The following TRPM1 variants were observed in gnomAD, a reference collection of about 807,000 sequenced individuals.
TRPM1 encodes TRPM1-203 APA Isoform, Intron 10.
A neutral mutation model predicts 149.4 loss-of-function variants in TRPM1; 113 were observed. The ratio of observed to expected loss-of-function variants is 0.76; its 90% confidence interval spans 0.65 to 0.88. TRPM1 has a LOEUF of 0.88. TRPM1 is among the 40% of genes least tolerant of loss of function. The probability of loss-of-function intolerance (pLI) is 0.00; values close to 1 mark genes in which losing one functional copy is unlikely to be tolerated. For missense variants in TRPM1, 1,976 were observed against 2,038.7 expected (o/e 0.97, Z 0.59); for synonymous variants, 741 against 759.5 (o/e 0.98, Z 0.40).
At chr15:31,030,901 A>T in intron 23 of TRPM1, 82 bp downstream of exon 23, 5 of 1,520,098 alleles carry the variant, frequency 3.3e-6, no homozygotes, top group Non-Finnish European at 4.6e-6. Flanking sequence ...TTCCAAATTA[A>T]TACATGTTCT....
chr15:31,028,434 A>C lies in TRPM1; in HGVS notation c.3191T>G (p.Leu1064Arg), dbSNP rs200561247. The C allele has an allele frequency of 6.5e-5, 105 of 1,614,132 alleles. No homozygotes were observed. Among genetic ancestry groups the C allele is most frequent in the Middle Eastern group, 1.7e-4 (1 of 6,020 alleles). The stretch of plus-strand genomic sequence containing the variant: ...CCAGGCGCCGGGGATACAGGGAGGA[A>C]GCCGCTTGCCCTCCTCATCATATAG... The part of the protein sequence containing the change: ...ENLYDEEGKR[L>R]PPCIPGAWLT... The change falls in exon 25 of 28, where the codon CTT becomes CGT. Residue 1064 changes from leucine to arginine, a missense_variant. Physicochemically the swap from Leu to Arg is moderately radical, Grantham distance 102. This residue lies in a region of TRPM1 where 1,332 missense variants were observed against 1,347.1 expected (regional missense o/e 0.99). Transcript: ENST00000256552.
intron 1 of TRPM1, among the ~76,000 whole-genome samples, chr15:31,090,418 C>T (rs1299075330): frequency 2.6e-5 from 4 of 152,114 alleles, no homozygotes; most frequent in Non-Finnish European, 5.9e-5. Flanking sequence ...GCAGGCCGGT[C>T]ACGAGGTCAG....
At chr15:31,130,781 C>T (rs1472805450) in intron 1 of TRPM1, among the ~76,000 whole-genome samples, 1 of 152,164 alleles carries the variant, frequency 6.6e-6, no homozygotes, top group Admixed American at 6.5e-5. Flanking sequence ...TCCAACCAAT[C>T]AATGCTCCGC....
At chr15:31,078,390 T>C (rs1426211195) in intron 2 of TRPM1, among the ~76,000 whole-genome samples, 2 of 152,182 alleles carry the variant, frequency 1.3e-5, no homozygotes, top group Non-Finnish European at 2.9e-5. Flanking sequence ...GACTAGGGCG[T>C]GCAAGTACCC....
intron 3 of TRPM1, among the ~76,000 whole-genome samples, chr15:31,075,785 T>G (rs536956993): frequency 2.0e-5 from 3 of 152,314 alleles, no homozygotes; most frequent in African/African-American, 7.2e-5. Context: ...CCTTTCTTAC[T>G]GAATTTTTGC....
At chr15:31,076,724 T>C (rs2034703486) in intron 3 of TRPM1, among the ~76,000 whole-genome samples, 181 bp downstream of exon 3, 1 of 152,184 alleles carries the variant, frequency 6.6e-6, no homozygotes, top group Non-Finnish European at 1.5e-5. Flanking sequence ...AACTCTTTTC[T>C]GAAGCCATTT....
chr15:31,115,160 A>C (rs2141028760), intron 1 of TRPM1, among the ~76,000 whole-genome samples: 1 of 152,308 alleles, frequency 6.6e-6, no homozygotes, highest in African/African-American at 2.4e-5. Context: ...CAGGAGGCTG[A>C]GGCAGAAGAA....
intron 3 of TRPM1, 124 bp downstream of exon 3, chr15:31,076,781 G>A: frequency 1.3e-6 from 1 of 780,674 alleles, no homozygotes; most frequent in Non-Finnish European, 2.3e-6. Context: ...CCTTGTTAGT[G>A]ACTCCCATGG....
At chr15:31,115,189 C>T (rs1290353887) in intron 1 of TRPM1, among the ~76,000 whole-genome samples, 3 of 152,068 alleles carry the variant, frequency 2.0e-5, no homozygotes, top group Non-Finnish European at 2.9e-5. Context: ...ACCCAGGAGG[C>T]GACCATGTCA....
At chr15:31,023,075 C>T (rs1336768192) in intron 27 of TRPM1, among the ~76,000 whole-genome samples, 1 of 152,188 alleles carries the variant, frequency 6.6e-6, no homozygotes, top group Non-Finnish European at 1.5e-5. Context: ...TGGATATGTG[C>T]AGGCTCTAGG....
intron 27 of TRPM1, among the ~76,000 whole-genome samples, chr15:31,018,313 A>G (rs1428037264): frequency 6.7e-6 from 1 of 150,196 alleles, no homozygotes; most frequent in African/African-American, 2.5e-5. Flanking sequence ...GGCCTCCCAA[A>G]GTGCTGGGAT....
intron 1 of TRPM1, among the ~76,000 whole-genome samples, chr15:31,088,884 G>A (rs1343558199): frequency 6.6e-6 from 1 of 151,780 alleles, no homozygotes; most frequent in Non-Finnish European, 1.5e-5. Flanking sequence ...GCCCCCCCGA[G>A]CGGGAGATCA....
chr15:31,062,504 C>A, intron 9 of TRPM1, 75 bp downstream of exon 9: 1 of 1,583,330 alleles, frequency 6.3e-7, no homozygotes. Context: ...CTGTCATGCA[C>A]ACATGGGCGG....
chr15:31,122,317 T>A (rs1596085947), intron 1 of TRPM1, among the ~76,000 whole-genome samples: 1 of 152,162 alleles, frequency 6.6e-6, no homozygotes, highest in African/African-American at 2.4e-5. Context: ...AACATCATAC[T>A]GAAAATTACA....
rs370929445 is a variant in TRPM1 at position 31,029,374 on chromosome 15, T to C, written c.3145A>G (p.Asn1049Asp). 6.2e-7 allele frequency: 1 copy of C among 1,613,722 alleles called. No homozygotes were observed. Among genetic ancestry groups the C allele is most frequent in the African/African-American group, 1.3e-5 (1 of 74,936 alleles). Residue 1049 changes from asparagine (N) to aspartate (D), a missense_variant, in exon 24 of 28, where the codon AAT becomes GAT. Coordinates refer to ENST00000256552, the MANE Select transcript of TRPM1 (RefSeq NM_001252024.2). ...DQIDLYAMEI[N>D]PPCGENLYDE... is the part of the protein sequence containing the mutation. ...AATCAATTCCATGTAAACTTACGATTAATTTCCATGGCGTAGACTACATGA... is the reference window on the plus strand; with the variant it reads ...AATCAATTCCATGTAAACTTACGATCAATTTCCATGGCGTAGACTACATGA...
chr15:31,093,128 A>G (rs751333507), intron 1 of TRPM1, among the ~76,000 whole-genome samples: 2 of 151,840 alleles, frequency 1.3e-5, no homozygotes, highest in Non-Finnish European at 2.9e-5. Context: ...GGGTGTGGTG[A>G]CACACACCTG....
intron 1 of TRPM1, among the ~76,000 whole-genome samples, chr15:31,120,901 A>G (rs1472419404): frequency 6.6e-6 from 1 of 152,180 alleles, no homozygotes; most frequent in Non-Finnish European, 1.5e-5. Context: ...GTGCTTAGAG[A>G]GAAATTTGTA....
chr15:31,094,935 A>G (rs748758495), intron 1 of TRPM1, among the ~76,000 whole-genome samples: 2 of 152,264 alleles, frequency 1.3e-5, no homozygotes, highest in Non-Finnish European at 1.5e-5. Context: ...AGCACTATTC[A>G]TAACAGCCAA....
At chr15:31,095,831 G>A (rs1328816218) in intron 1 of TRPM1, among the ~76,000 whole-genome samples, 1 of 151,930 alleles carries the variant, frequency 6.6e-6, no homozygotes, top group African/African-American at 2.4e-5. Flanking sequence ...ATCTCTGGAG[G>A]TCAGGAGTTC....
Sources: allele counts gnomAD v4.1 joint callset (sites outside exome capture counted in the v4.1 genomes callset), GRCh38; gene constraint gnomAD v4.1.1; regional missense constraint gnomAD v4.1.1; transcripts MANE v1.5; gene names NCBI Gene and HGNC (gene_info 2026-07-23, HGNC 2026-07-21).